The following CAPN13 variants were observed in gnomAD, a reference collection of about 807,000 sequenced individuals.
The protein encoded by CAPN13 is calpain 13, also known as calpain-13.
A neutral mutation model predicts 98.4 loss-of-function variants in CAPN13; 90 were observed. The observed-to-expected ratio is 0.92, with a 90% CI of 0.77 to 1.09. The LOEUF (loss-of-function observed/expected upper bound fraction) is 1.09, where lower values mean the gene tolerates loss of function less well. Among genes scored for constraint, CAPN13 ranks in the 50% least tolerant of loss-of-function variants. The pLI, the probability that CAPN13 is intolerant of heterozygous loss-of-function variation, is 0.00. For synonymous variants in CAPN13, 330 were observed against 305.5 expected (o/e 1.08, Z -0.84); for missense variants, 887 against 841.3 (o/e 1.05, Z -0.67).
Position 30,753,164 on chromosome 2 carries a change from C to A in CAPN13, c.976G>T (p.Ala326Ser). The change falls in exon 10 of 23, where the codon GCC becomes TCC. Residue 326 changes from alanine to serine, a missense_variant. Ala to Ser is a moderately conservative substitution (Grantham distance 99). Coordinates refer to ENST00000295055, the MANE Select transcript of CAPN13 (RefSeq NM_144575.3). The stretch of plus-strand genomic sequence containing the variant: ...GGAATTTCGCTACATATAAACATGG[C>A]GATGAATTTCTGTTGGAAATCTTGA... ...SCQDFQQKFI[A>S]MFICSEIPIT... 1 of 1,613,960 alleles carries A rather than the reference C, an allele frequency of 6.2e-7. No individual in the cohort carries two copies. Among genetic ancestry groups the A allele is most frequent in the Non-Finnish European group, 8.5e-7 (1 of 1,179,868 alleles).
intron 12 of CAPN13, among the ~76,000 whole-genome samples, chr2:30,743,881 C>A (rs375023066): frequency 7.7e-4 from 117 of 152,296 alleles, no homozygotes; most frequent in African/African-American, 2.8e-3. Context: ...GAGAAAACTT[C>A]CATGGAAACT....
At chr2:30,725,577 C>G (rs1670831557) in intron 22 of CAPN13, among the ~76,000 whole-genome samples, 2 of 152,208 alleles carry the variant, frequency 1.3e-5, no homozygotes, top group Non-Finnish European at 2.9e-5. Context: ...TAACCCTCAT[C>G]TCTGGGAGAA....
Position 30,736,506 on chromosome 2 carries a change from G to A in CAPN13, c.1719C>T (p.Tyr573=). 1 of 1,613,942 alleles carries A rather than the reference G, an allele frequency of 6.2e-7. No individual in the cohort carries two copies. The highest frequency in any genetic ancestry group is 1.7e-5 in the Admixed American group (1 of 60,028). ...FARLWKRLVH[Y]QHVFQKVQTS... ...GTCACAGAGAATGTGCCCGTACCTG[G>A]TAGTGAACAAGGCGCTTCCACAGTC... The change falls in exon 18 of 23, where the codon TAC becomes TAT. Residue 573 remains tyrosine, a synonymous_variant. Coordinates refer to ENST00000295055, the MANE Select transcript of CAPN13 (RefSeq NM_144575.3).
chr2:30,728,043 A>G (rs773594118), intron 22 of CAPN13, among the ~76,000 whole-genome samples: 3 of 151,968 alleles, frequency 2.0e-5, no homozygotes, highest in Non-Finnish European at 4.4e-5. Context: ...AAGTGAAAGA[A>G]GCCAGTCATA....
chr2:30,766,489 C>T lies in CAPN13; in HGVS notation c.525-2183G>A, dbSNP rs149747540. ...TTTCTGCTTTCTAAACATGAGCTCA[C>T]GGATCCTGCTGATGTTCAGGAACAT... is the stretch of plus-strand genomic sequence containing the variant. On this transcript the variant is annotated intron_variant, in intron 5 of 22. Transcript: ENST00000295055. Among the ~76,000 whole-genome samples, 686 of 152,316 alleles carry T rather than the reference C, an allele frequency of 4.5e-3. 6 individuals carry two copies. The highest frequency in any genetic ancestry group is 0.016 in the African/African-American group (657 of 41,566).
At chr2:30,759,623 C>T (rs777997944) in intron 7 of CAPN13, among the ~76,000 whole-genome samples, 1 of 152,188 alleles carries the variant, frequency 6.6e-6, no homozygotes, top group Admixed American at 6.5e-5. Flanking sequence ...GGACGCAGGG[C>T]TCAGAGCTAG....
rs1222145375 is a variant in CAPN13, at chr2:30,734,301, G to C, written c.1798+148C>G. 12 of 641,050 alleles carry C rather than the reference G, an allele frequency of 1.9e-5. No homozygotes were observed. In the East Asian group the frequency reaches 3.3e-4, roughly 18 times the overall value. 39.7% of individuals were successfully genotyped at this position (641,050 alleles called of 1,614,324 possible). A position where few individuals can be genotyped will look rare whatever the true frequency, so the allele number is the denominator to read the frequency against. On this transcript the variant is annotated intron_variant, in intron 19 of 22. Coordinates refer to ENST00000295055, the MANE Select transcript of CAPN13 (RefSeq NM_144575.3). ...TCTGCAACCGTGGAGGCCCCCCAGG[G>C]TCAGTGTGAACTGGGGAGGACACGA...
At chr2:30,770,108 C>T (rs959300852) in intron 5 of CAPN13, among the ~76,000 whole-genome samples, 2 of 152,208 alleles carry the variant, frequency 1.3e-5, no homozygotes, top group Admixed American at 6.5e-5. Flanking sequence ...TATCTCTGTC[C>T]AGCCCCTACC....
chr2:30,761,323 A>C (rs1672838379), intron 7 of CAPN13, among the ~76,000 whole-genome samples: 1 of 152,138 alleles, frequency 6.6e-6, no homozygotes, highest in African/African-American at 2.4e-5. Context: ...TTATTGAAAC[A>C]ACTCCAAGTG....
rs771838885 is a variant in CAPN13 at position 30,730,721 on chromosome 2, AT to A, written c.*30+8del. 3.8e-6 allele frequency: 3 copies of A among 780,506 alleles called. No individual in the cohort carries two copies. The East Asian group carries it at 7.3e-5, about 19-fold the overall frequency. 48.3% of individuals were successfully genotyped at this position (780,506 alleles called of 1,614,324 possible). A position where few individuals can be genotyped will look rare whatever the true frequency, so the allele number is the denominator to read the frequency against. ...AGGAGGGAAAGACTCCAAAGCTACCATGTCTTACCTGAGCCATGGGTCTGCT... is the reference window on the plus strand; with the variant it reads ...AGGAGGGAAAGACTCCAAAGCTACCAGTCTTACCTGAGCCATGGGTCTGCT... On this transcript the variant is annotated splice_region_variant and intron_variant, in intron 22 of 22. Transcript: ENST00000295055.
intron 2 of CAPN13, among the ~76,000 whole-genome samples, chr2:30,784,330 AC>A (rs1385725167): frequency 1.3e-5 from 2 of 152,138 alleles, no homozygotes; most frequent in Admixed American, 6.6e-5. Flanking sequence ...GACTGTGAAA[AC>A]CCAAGAATCC....
At chr2:30,744,940 C>T (rs991237112) in intron 12 of CAPN13, among the ~76,000 whole-genome samples, 1 of 152,228 alleles carries the variant, frequency 6.6e-6, no homozygotes, top group Non-Finnish European at 1.5e-5. Context: ...CCCAACCCTC[C>T]ACTTCATAGC....
At chr2:30,785,714 A>G (rs1463839815) in intron 2 of CAPN13, among the ~76,000 whole-genome samples, 4 of 152,182 alleles carry the variant, frequency 2.6e-5, no homozygotes, top group Non-Finnish European at 5.9e-5. Flanking sequence ...CACTATAAAT[A>G]TGGTCTTACA....
intron 9 of CAPN13, 131 bp from the exon 10 acceptor site, chr2:30,753,329 A>G (rs980507994): frequency 3.7e-5 from 34 of 907,016 alleles, no homozygotes; most frequent in Non-Finnish European, 2.2e-5. Flanking sequence ...TTCACCATCA[A>G]GCACCCTTCT....
intron 22 of CAPN13, among the ~76,000 whole-genome samples, chr2:30,728,443 C>T (rs969571791): frequency 2.0e-5 from 3 of 151,910 alleles, no homozygotes; most frequent in African/African-American, 7.3e-5. Context: ...ATATGGGAAC[C>T]CAACTGGGCT....
chr2:30,755,229 G>A (rs998059330), intron 8 of CAPN13, among the ~76,000 whole-genome samples: 1 of 151,606 alleles, frequency 6.6e-6, no homozygotes, highest in Admixed American at 6.6e-5. Context: ...CTCTTAAAGG[G>A]CATTGCCTCT....
chr2:30,797,732 A>G (rs1030307255), intron 1 of CAPN13, among the ~76,000 whole-genome samples: 7 of 152,194 alleles, frequency 4.6e-5, no homozygotes, highest in African/African-American at 1.7e-4. Flanking sequence ...GGGTCTCTCC[A>G]GGTTCCAGAG....
intron 5 of CAPN13, among the ~76,000 whole-genome samples, chr2:30,764,551 C>A (rs1673016680): frequency 6.6e-6 from 1 of 152,190 alleles, no homozygotes; most frequent in African/African-American, 2.4e-5. Context: ...CCATAAGTGG[C>A]AGCACTGACG....
At chr2:30,746,988 A>G (rs1334219211) in intron 11 of CAPN13, among the ~76,000 whole-genome samples, 4 of 152,226 alleles carry the variant, frequency 2.6e-5, no homozygotes, top group African/African-American at 7.2e-5. Flanking sequence ...GCTCCCTAAC[A>G]TCGGGAGCTT....
Sources: allele counts gnomAD v4.1 joint callset (sites outside exome capture counted in the v4.1 genomes callset), GRCh38; gene constraint gnomAD v4.1.1; transcripts MANE v1.5; gene names NCBI Gene and HGNC (gene_info 2026-07-23, HGNC 2026-07-21).